The following THADA variants were observed in gnomAD, a reference collection of about 807,000 sequenced individuals.
The protein encoded by THADA is THADA armadillo repeat containing.
Under a neutral mutation model 219.8 loss-of-function variants are expected in THADA, and 213 were observed. The ratio of observed to expected loss-of-function variants is 0.97; its 90% CI spans 0.87 to 1.09. The LOEUF (loss-of-function observed/expected upper bound fraction) is 1.09. THADA is among the 50% of genes least tolerant of loss of function. THADA has a pLI of 0.00. For missense variants in THADA, 2,956 were observed against 2,311.3 expected, an observed-to-expected ratio of 1.28 and a Z score of -5.72; for synonymous variants, 1,018 against 828.9, an observed-to-expected ratio of 1.23 and a Z score of -3.92.
Position 43,279,760 on chromosome 2 carries a change from G to A in THADA, c.5296+5C>T. 1 of 1,547,406 alleles carries A rather than the reference G, an allele frequency of 6.5e-7. No homozygotes were observed. Among genetic ancestry groups the A allele is most frequent in the South Asian group, 1.2e-5 (1 of 82,804 alleles). On this transcript the variant is annotated splice_donor_5th_base_variant and intron_variant, in intron 36 of 37. Coordinates refer to ENST00000405975, the MANE Select transcript of THADA (RefSeq NM_022065.5). Reference sequence around the variant, plus strand: ...AGACAATGCAAAAGGATAAGAACGAGGTACCTGTTGACTGGCAGGTATTTT... The same window carrying A: ...AGACAATGCAAAAGGATAAGAACGAAGTACCTGTTGACTGGCAGGTATTTT...
At chr2:43,475,541 T>C (rs1685428759) in intron 26 of THADA, among the ~76,000 whole-genome samples, 1 of 152,142 alleles carries the variant, frequency 6.6e-6, no homozygotes, top group South Asian at 2.1e-4. Context: ...AATTAGAGTT[T>C]ATATTAAAAA....
chr2:43,331,115 C>T (rs1220588325), intron 30 of THADA, among the ~76,000 whole-genome samples: 2 of 152,192 alleles, frequency 1.3e-5, no homozygotes, highest in African/African-American at 4.8e-5. Flanking sequence ...TTGAAACCAT[C>T]TCTACTATTT....
In THADA at chr2:43,293,110, C is replaced by T; in HGVS notation, c.4542G>A (p.Gln1514=). 3.7e-6 allele frequency: 6 copies of T among 1,613,996 alleles called. No homozygotes were observed. The highest frequency in any genetic ancestry group is 5.1e-6 in the Non-Finnish European group (6 of 1,179,892). The change falls in exon 32 of 38, where the codon CAG becomes CAA. Residue 1514 remains glutamine, a synonymous_variant. Transcript: ENST00000405975. ...PWAFKVPGLP[Q]YLQSLTRLAI... is the part of the protein sequence containing the mutation. ...CTAGTCTGGTGAGGCTCTGGAGGTA[C>T]TGGGGCAGGCCTGGCACCTTGAAGG...
chr2:43,284,244 A>G (rs1169415941), intron 35 of THADA, among the ~76,000 whole-genome samples: 2 of 152,216 alleles, frequency 1.3e-5, no homozygotes, highest in East Asian at 3.8e-4. Context: ...AGGGCATTTC[A>G]GAGACCTTCA....
intron 28 of THADA, among the ~76,000 whole-genome samples, chr2:43,403,320 C>T (rs17030751): frequency 0.22 from 33,615 of 152,112 alleles, 3,875 homozygotes; most frequent in South Asian, 0.3. Flanking sequence ...AATTTGTAGA[C>T]CGTGAAGCAG....
chr2:43,452,840 T>A (rs1325337447), intron 26 of THADA, among the ~76,000 whole-genome samples: 1 of 152,130 alleles, frequency 6.6e-6, no homozygotes, highest in Admixed American at 6.5e-5. Flanking sequence ...TTCCATTGGG[T>A]CCAATAAGTC....
chr2:43,547,722 C>G (rs1007556371), intron 20 of THADA, among the ~76,000 whole-genome samples: 2 of 152,182 alleles, frequency 1.3e-5, no homozygotes, highest in African/African-American at 2.4e-5. Flanking sequence ...TCCATCAGCT[C>G]CTTTAAGCAC....
chr2:43,513,758 T>A (rs1445597561), intron 22 of THADA, among the ~76,000 whole-genome samples: 1 of 152,196 alleles, frequency 6.6e-6, no homozygotes. Flanking sequence ...AAATAAATTT[T>A]ATATTAAGAA....
chr2:43,319,290 C>T (rs766954911), intron 31 of THADA, among the ~76,000 whole-genome samples: 12 of 152,056 alleles, frequency 7.9e-5, no homozygotes, highest in African/African-American at 2.4e-4. Flanking sequence ...AGTAAAAGGG[C>T]GCACTATTAA....
chr2:43,421,943 G>C (rs1243895811), intron 28 of THADA, among the ~76,000 whole-genome samples: 1 of 152,110 alleles, frequency 6.6e-6, no homozygotes, highest in East Asian at 1.9e-4. Context: ...TACAAATATT[G>C]TCACAGGATT....
intron 26 of THADA, among the ~76,000 whole-genome samples, chr2:43,466,923 C>T (rs779974908): frequency 1.3e-5 from 2 of 150,110 alleles, no homozygotes; most frequent in African/African-American, 2.5e-5. Context: ...TGGCTCACGC[C>T]TGTAATCCCA....
chr2:43,475,297 C>T (rs1685382660), intron 26 of THADA, among the ~76,000 whole-genome samples: 2 of 151,740 alleles, frequency 1.3e-5, no homozygotes, highest in South Asian at 4.2e-4. Flanking sequence ...GCACGTGTAG[C>T]CCCAGCTACT....
At chr2:43,514,679 T>TTA (rs1553470460) in intron 22 of THADA, among the ~76,000 whole-genome samples, 1 of 78,096 alleles carries the variant, frequency 1.3e-5, no homozygotes, top group African/African-American at 6.3e-5. Flanking sequence ...ATATAATATA[T>TTA]TATATTATAT....
intron 20 of THADA, among the ~76,000 whole-genome samples, chr2:43,547,952 A>C (rs1189779615): frequency 2.0e-5 from 3 of 152,072 alleles, no homozygotes; most frequent in Non-Finnish European, 4.4e-5. Flanking sequence ...TGCTTTTTAG[A>C]GTTTCCAGTT....
At chr2:43,393,188 A>T (rs1673608917) in intron 29 of THADA, among the ~76,000 whole-genome samples, 1 of 152,212 alleles carries the variant, frequency 6.6e-6, no homozygotes, top group Non-Finnish European at 1.5e-5. Flanking sequence ...CACGGGTCGC[A>T]GCTTCCCTGG....
At chr2:43,581,356 C>A (rs1475794884) in intron 8 of THADA, among the ~76,000 whole-genome samples, 1 of 151,884 alleles carries the variant, frequency 6.6e-6, no homozygotes, top group Non-Finnish European at 1.5e-5. Flanking sequence ...ATGGCAAAAC[C>A]CTTTCTCTAT....
chr2:43,422,326 T>G (rs1271116197), intron 28 of THADA, among the ~76,000 whole-genome samples: 2 of 152,210 alleles, frequency 1.3e-5, no homozygotes, highest in Non-Finnish European at 2.9e-5. Flanking sequence ...ATGTTGCCAC[T>G]AAGTCTTCTC....
chr2:43,339,933 C>T, intron 30 of THADA, among the ~76,000 whole-genome samples: 1 of 151,572 alleles, frequency 6.6e-6, no homozygotes, highest in South Asian at 2.1e-4. Flanking sequence ...ATCTCTAAAA[C>T]TAAAAAATAA....
rs971041808 is a variant in THADA at position 43,594,593 on chromosome 2, A to G, written c.-25+1338T>C. Among the ~76,000 whole-genome samples the G allele has an allele frequency of 6.6e-5, 10 of 151,436 alleles. No homozygotes were observed. The South Asian group carries it at 2.1e-3, about 32-fold the overall frequency. On this transcript the variant is annotated intron_variant, in intron 1 of 37. Coordinates refer to ENST00000405975, the MANE Select transcript of THADA (RefSeq NM_022065.5). ...GAGCGAAACTCCATCTCAAATAAATAAATAAATAAATAAATAAATAAATAC... is the reference window on the plus strand; with the variant it reads ...GAGCGAAACTCCATCTCAAATAAATGAATAAATAAATAAATAAATAAATAC...
Sources: allele counts gnomAD v4.1 joint callset (sites outside exome capture counted in the v4.1 genomes callset), GRCh38; gene constraint gnomAD v4.1.1; transcripts MANE v1.5; gene names NCBI Gene and HGNC (gene_info 2026-07-23, HGNC 2026-07-21).